The following VASH2 variants were observed in gnomAD, a reference collection of about 807,000 sequenced individuals.
The protein encoded by VASH2 is tubulinyl-Tyr carboxypeptidase 2.
Under a neutral mutation model 37.2 loss-of-function variants are expected in VASH2, and 28 were observed. The observed-to-expected ratio is 0.75, with a 90% CI of 0.56 to 1.03. The LOEUF is 1.03. VASH2 is among the 50% of genes least tolerant of loss of function. The pLI is 0.00. For missense variants in VASH2, 419 were observed against 459.1 expected (o/e 0.91, Z 0.80); for synonymous variants, 188 against 174.7 (o/e 1.08, Z -0.60).
At chr1:212,969,141 A>G in intron 5 of VASH2, 1 of 985,036 alleles carries the variant, frequency 1.0e-6, no homozygotes, top group Non-Finnish European at 1.2e-6. Flanking sequence ...TGCTGAACTC[A>G]GGGAAATTTG....
chr1:212,976,259 A>G (rs1365416951), intron 7 of VASH2, among the ~76,000 whole-genome samples: 3 of 152,330 alleles, frequency 2.0e-5, no homozygotes, highest in African/African-American at 4.8e-5. Context: ...AATGACAGCC[A>G]GATAAGTCTG....
intron 2 of VASH2, among the ~76,000 whole-genome samples, chr1:212,957,762 C>A (rs1285820311): frequency 6.6e-6 from 1 of 152,108 alleles, no homozygotes; most frequent in Non-Finnish European, 1.5e-5. Flanking sequence ...AGGCGCCTAC[C>A]ACCATGCCCA....
intron 7 of VASH2, among the ~76,000 whole-genome samples, chr1:212,987,811 TC>T (rs1667526455): frequency 6.6e-6 from 1 of 152,220 alleles, no homozygotes; most frequent in Non-Finnish European, 1.5e-5. Context: ...ATATTGGAAG[TC>T]ATTTAGGACG....
intron 2 of VASH2, among the ~76,000 whole-genome samples, chr1:212,954,907 T>G (rs11804466): frequency 0.017 from 2,518 of 152,276 alleles, 75 homozygotes; most frequent in African/African-American, 0.054. Context: ...CTATCCCCAG[T>G]CCTATCATGG....
chr1:212,974,863 G>C (rs1667123263), intron 7 of VASH2: 1 of 152,240 alleles, frequency 6.6e-6, no homozygotes, highest in African/African-American at 2.4e-5. Flanking sequence ...TAGCTGTGCA[G>C]CTGGGCACAT....
chr1:212,962,685 G>C (rs1281805858), intron 3 of VASH2, among the ~76,000 whole-genome samples: 1 of 152,142 alleles, frequency 6.6e-6, no homozygotes, highest in Non-Finnish European at 1.5e-5. Flanking sequence ...TTCACTTCAC[G>C]GATCATCAAC....
intron 5 of VASH2, among the ~76,000 whole-genome samples, chr1:212,972,366 C>T (rs1667036103): frequency 6.6e-6 from 1 of 152,102 alleles, no homozygotes; most frequent in African/African-American, 2.4e-5. Context: ...CTCTTTGTCT[C>T]ATATTTACTT....
chr1:212,958,182 A>C (rs1666554066), intron 2 of VASH2, among the ~76,000 whole-genome samples: 2 of 151,914 alleles, frequency 1.3e-5, no homozygotes, highest in African/African-American at 4.8e-5. Context: ...GAACGTTGGG[A>C]GCCCGAGGCG....
Position 212,990,358 on chromosome 1 carries a change from C to G in VASH2, c.*1774C>G, listed in dbSNP as rs2075846348. The G allele has an allele frequency of 6.6e-6, 1 of 152,170 alleles. No homozygotes were observed. The highest frequency in any genetic ancestry group is 1.5e-5 in the Non-Finnish European group (1 of 68,022). The allele number at this position is 152,170 out of a possible 1,614,324, so 9.4% of individuals were successfully genotyped here. A position where few individuals can be genotyped will look rare whatever the true frequency, so the allele number is the denominator to read the frequency against. Reference sequence around the variant, plus strand: ...TTTAAAATGAGTTAGCTCTGTTTATCTACACACAGCAAACCCATTCGCAGC... The same window carrying G: ...TTTAAAATGAGTTAGCTCTGTTTATGTACACACAGCAAACCCATTCGCAGC... On this transcript the variant is annotated 3_prime_UTR_variant, in exon 8 of 8. Coordinates refer to ENST00000517399, the MANE Select transcript of VASH2 (RefSeq NM_001301056.2).
At chr1:212,963,256 A>T (rs1342121212) in intron 3 of VASH2, among the ~76,000 whole-genome samples, 1 of 152,210 alleles carries the variant, frequency 6.6e-6, no homozygotes, top group Non-Finnish European at 1.5e-5. Flanking sequence ...GTCAATGACC[A>T]ACAGCATCAC....
intron 2 of VASH2, chr1:212,952,474 T>G (rs1239581689): frequency 6.6e-6 from 1 of 152,426 alleles, no homozygotes; most frequent in Non-Finnish European, 1.5e-5. Flanking sequence ...GGCTGAGACT[T>G]AAAAGGGACT....
intron 7 of VASH2, among the ~76,000 whole-genome samples, chr1:212,983,120 C>T (rs187403193): frequency 9.9e-4 from 151 of 152,278 alleles, no homozygotes; most frequent in African/African-American, 2.6e-3. Context: ...TTGATAAGTA[C>T]GTATTCCACA....
At position 212,988,673 on chromosome 1, in the gene VASH2, T is replaced by C; in HGVS notation, c.*89T>C. The C allele has an allele frequency of 5.3e-6, 7 of 1,316,136 alleles. No individual in the cohort carries two copies. Among genetic ancestry groups the C allele is most frequent in the Non-Finnish European group, 7.6e-6 (7 of 921,792 alleles). The allele number at this position is 1,316,136 out of a possible 1,614,324, so 81.5% of individuals were successfully genotyped here. On this transcript the variant is annotated 3_prime_UTR_variant, in exon 8 of 8. Coordinates refer to ENST00000517399, the MANE Select transcript of VASH2 (RefSeq NM_001301056.2). ...TTCAGGAGGAACTGCAACTATTTAT[T>C]AAGAACTTGTGAATTTTATTTTTAA...
At chr1:212,956,348 C>T (rs60854681) in intron 2 of VASH2, among the ~76,000 whole-genome samples, 2 of 152,182 alleles carry the variant, frequency 1.3e-5, no homozygotes, top group African/African-American at 2.4e-5. Flanking sequence ...CTCAAGTTTT[C>T]TGGGGCCCCC....
At chr1:212,975,286 G>A (rs112822443) in intron 7 of VASH2, among the ~76,000 whole-genome samples, 23 of 152,310 alleles carry the variant, frequency 1.5e-4, no homozygotes, top group African/African-American at 4.1e-4. Context: ...CCCATTCCGC[G>A]TCCTACAGCC....
At position 212,965,938 on chromosome 1, in the gene VASH2, G is replaced by A; in HGVS notation, c.422+160G>A. ...CCAGGGCCAGGTTGGAGGTGGGACT[G>A]AGGACTGAGCAACTCTGACAGTGGA... On this transcript the variant is annotated intron_variant, in intron 4 of 7. Coordinates refer to ENST00000517399, the MANE Select transcript of VASH2 (RefSeq NM_001301056.2). The A allele has an allele frequency of 1.2e-5, 8 of 681,862 alleles. No homozygotes were observed. In the South Asian group the frequency reaches 1.5e-4, roughly 13 times the overall value. The allele number at this position is 681,862 out of a possible 1,614,324, so 42.2% of individuals were successfully genotyped here.
At chr1:212,964,888 A>G (rs375318643) in intron 3 of VASH2, among the ~76,000 whole-genome samples, 1 of 147,700 alleles carries the variant, frequency 6.8e-6, no homozygotes, top group Non-Finnish European at 1.5e-5. Context: ...ATTTAGTAAC[A>G]TTTGTTAACT....
intron 3 of VASH2, among the ~76,000 whole-genome samples, chr1:212,963,018 A>G (rs576879529): frequency 2.5e-4 from 38 of 151,922 alleles, no homozygotes; most frequent in African/African-American, 9.0e-4. Context: ...TATAGGCTTT[A>G]AGGTTCCCCA....
chr1:212,967,256 CT>C, intron 5 of VASH2: 1 of 1,293,054 alleles, frequency 7.7e-7, no homozygotes. Context: ...GACCACCTCC[CT>C]TACACAATAG....
Sources: gnomAD v4.1 joint callset for allele counts (sites outside exome capture counted in the v4.1 genomes callset) on GRCh38, gnomAD v4.1.1 for gene constraint, MANE v1.5 for transcripts, NCBI Gene and HGNC (gene_info 2026-07-23, HGNC 2026-07-21) for gene names.